Variants in NCALD observed in about 807,000 individuals in gnomAD.
NCALD encodes the protein neurocalcin delta.
Under a neutral mutation model 18.6 loss-of-function variants are expected in NCALD, and 10 were observed. That is an observed-to-expected ratio of 0.54 (90% confidence interval 0.33 to 0.91). The LOEUF (loss-of-function observed/expected upper bound fraction) is 0.91. NCALD is among the 40% of genes least tolerant of loss of function. The probability of loss-of-function intolerance (pLI) is 0.03; values close to 1 mark genes in which losing one functional copy is unlikely to be tolerated. For synonymous variants in NCALD, 88 were observed against 87.4 expected, an observed-to-expected ratio of 1.01 and a Z score of -0.04; for missense variants, 184 against 247.6, an observed-to-expected ratio of 0.74 and a Z score of 1.72.
At chr8:101,991,472 T>G (rs1821044959) in intron 2 of NCALD, among the ~76,000 whole-genome samples, 1 of 152,210 alleles carries the variant, frequency 6.6e-6, no homozygotes, top group Non-Finnish European at 1.5e-5. Context: ...TGAATGAAAT[T>G]TGGGGAGGAA....
intron 2 of NCALD, among the ~76,000 whole-genome samples, chr8:102,008,918 A>C (rs1330023785): frequency 4.9e-3 from 19 of 3,892 alleles, no homozygotes; most frequent in South Asian, 0.013. Context: ...CCGCCCCCCT[A>C]CACACACACA....
At chr8:101,899,746 T>C (rs980603816) in intron 3 of NCALD, among the ~76,000 whole-genome samples, 10 of 151,920 alleles carry the variant, frequency 6.6e-5, no homozygotes, top group Non-Finnish European at 1.2e-4. Context: ...TGGCATATAA[T>C]TACCTTTATA....
intron 2 of NCALD, among the ~76,000 whole-genome samples, chr8:101,955,797 C>T (rs949192102): frequency 2.0e-5 from 3 of 151,906 alleles, no homozygotes; most frequent in African/African-American, 7.3e-5. Flanking sequence ...AGACAATTGA[C>T]AAAATTTATA....
At chr8:102,083,499 AGGG>A (rs1378758618) in intron 1 of NCALD, among the ~76,000 whole-genome samples, 7 of 152,222 alleles carry the variant, frequency 4.6e-5, no homozygotes, top group Non-Finnish European at 1.0e-4. Flanking sequence ...ACAAGGCTAA[AGGG>A]TTCCTTTATT....
intron 4 of NCALD, among the ~76,000 whole-genome samples, chr8:101,847,957 G>A (rs550902541): frequency 5.9e-5 from 9 of 152,254 alleles, no homozygotes; most frequent in East Asian, 1.9e-4. Flanking sequence ...GCTGGGAAGC[G>A]TTCAGGTCTG....
intron 2 of NCALD, among the ~76,000 whole-genome samples, chr8:101,917,509 C>A (rs1359398316): frequency 6.6e-6 from 1 of 151,468 alleles, no homozygotes; most frequent in Non-Finnish European, 1.5e-5. Flanking sequence ...AAGTTGAGAC[C>A]CAAAAATTCA....
intron 3 of NCALD, among the ~76,000 whole-genome samples, chr8:101,914,561 A>G (rs1817913865): frequency 1.3e-5 from 2 of 152,178 alleles, no homozygotes; most frequent in Non-Finnish European, 2.9e-5. Flanking sequence ...TCTTACATAC[A>G]TTATTTGGAA....
intron 2 of NCALD, among the ~76,000 whole-genome samples, chr8:101,980,888 C>T (rs1820596005): frequency 6.6e-6 from 1 of 152,116 alleles, no homozygotes; most frequent in Non-Finnish European, 1.5e-5. Flanking sequence ...TCCCTAAGGC[C>T]CTTCTAAGTC....
In NCALD at chr8:102,034,015, T is replaced by TACACAC. The variant is rs34381236; in HGVS notation, c.-209-13732_-209-13727dup. The stretch of plus-strand genomic sequence containing the variant: ...TTGCTCTCTCTCTCCTCCCTCTAAA[T>TACACAC]ACACACACACACACACACACACACA... On this transcript the variant is annotated intron_variant, in intron 1 of 6. Transcript: ENST00000311028. 3.2e-3 allele frequency among the ~76,000 whole-genome samples: 469 copies of TACACAC among 147,984 alleles called. 3 individuals are homozygous for TACACAC. The highest frequency in any genetic ancestry group is 6.9e-3 in the Middle Eastern group (2 of 290).
At chr8:101,855,143 G>C (rs111918078) in intron 4 of NCALD, among the ~76,000 whole-genome samples, 161 of 152,252 alleles carry the variant, frequency 1.1e-3, no homozygotes, top group African/African-American at 3.8e-3. Flanking sequence ...CAGTCAGATG[G>C]GACCAGTATC....
chr8:102,097,545 T>C (rs1044113479), intron 1 of NCALD, among the ~76,000 whole-genome samples: 3 of 152,230 alleles, frequency 2.0e-5, no homozygotes, highest in Admixed American at 6.5e-5. Context: ...ATGTAGATGC[T>C]GTTTCATCAG....
intron 4 of NCALD, among the ~76,000 whole-genome samples, chr8:101,849,497 T>C (rs1340637931): frequency 1.3e-5 from 2 of 152,144 alleles, no homozygotes; most frequent in African/African-American, 2.4e-5. Flanking sequence ...TGTAAAGTGG[T>C]CTGTAATCAA....
At chr8:101,815,845 G>A (rs1438716928) in intron 4 of NCALD, among the ~76,000 whole-genome samples, 2 of 152,044 alleles carry the variant, frequency 1.3e-5, no homozygotes, top group African/African-American at 2.4e-5. Context: ...CCTGTACACA[G>A]GTGTTTATAG....
At chr8:102,007,774 G>A (rs1360818779) in intron 2 of NCALD, among the ~76,000 whole-genome samples, 1 of 152,142 alleles carries the variant, frequency 6.6e-6, no homozygotes, top group Non-Finnish European at 1.5e-5. Context: ...GTTTTTTGCA[G>A]TGCATGTCCA....
chr8:101,892,964 C>T (rs1159134550), intron 3 of NCALD, among the ~76,000 whole-genome samples: 2 of 149,132 alleles, frequency 1.3e-5, no homozygotes, highest in Non-Finnish European at 2.9e-5. Flanking sequence ...GGAGAACTTC[C>T]CCAATCTAGC....
intron 2 of NCALD, among the ~76,000 whole-genome samples, chr8:101,705,202 C>T (rs1412948152): frequency 1.4e-5 from 2 of 145,992 alleles, no homozygotes; most frequent in Non-Finnish European, 3.0e-5. Context: ...CCAGCCTGGG[C>T]AGCAGAGCAA....
intron 4 of NCALD, among the ~76,000 whole-genome samples, chr8:101,875,583 T>C (rs1451828379): frequency 1.3e-5 from 2 of 152,168 alleles, no homozygotes; most frequent in Middle Eastern, 3.2e-3. Flanking sequence ...CTTTTAATTC[T>C]CTCCTCATTA....
intron 1 of NCALD, among the ~76,000 whole-genome samples, chr8:102,095,087 A>G (rs1157160458): frequency 6.6e-6 from 1 of 152,220 alleles, no homozygotes; most frequent in Non-Finnish European, 1.5e-5. Context: ...CTTGGACTTC[A>G]GCCTGCCTTG....
At chr8:101,878,868 T>C (rs942941545) in intron 4 of NCALD, among the ~76,000 whole-genome samples, 1 of 152,194 alleles carries the variant, frequency 6.6e-6, no homozygotes, top group African/African-American at 2.4e-5. Context: ...TGTGCTGTTA[T>C]GCGACGGTCA....
Sources: allele counts gnomAD v4.1 joint callset (sites outside exome capture counted in the v4.1 genomes callset), GRCh38; gene constraint gnomAD v4.1.1; transcripts MANE v1.5; gene names NCBI Gene and HGNC (gene_info 2026-07-23, HGNC 2026-07-21).